Variants in PLXNA4 observed in about 807,000 individuals in gnomAD.
The protein encoded by PLXNA4 is plexin-A4.
Under a neutral mutation model 191.8 loss-of-function variants are expected in PLXNA4, and 44 were observed. That is an observed-to-expected ratio of 0.23 (90% CI 0.18 to 0.29). PLXNA4 has a LOEUF of 0.29. PLXNA4 is among the 10% of genes least tolerant of loss of function. PLXNA4 has a pLI of 1.00. For synonymous variants in PLXNA4, 1,082 were observed against 1,009.5 expected (o/e 1.07, Z -1.36); for missense variants, 1,800 against 2,488.8 (o/e 0.72, Z 5.89).
intron 1 of PLXNA4, among the ~76,000 whole-genome samples, chr7:132,536,780 A>G (rs115447457): frequency 0.013 from 1,936 of 152,318 alleles, 18 homozygotes; most frequent in Middle Eastern, 0.044. Context: ...TAAGCGAGGA[A>G]ATGCTGCCCT....
chr7:132,224,636 T>C (rs1254831865), intron 8 of PLXNA4, among the ~76,000 whole-genome samples: 1 of 152,160 alleles, frequency 6.6e-6, no homozygotes, highest in African/African-American at 2.4e-5. Flanking sequence ...GCTTCACACA[T>C]GATTTCACCT....
chr7:132,225,242 C>T (rs1798277446), intron 8 of PLXNA4, among the ~76,000 whole-genome samples: 2 of 152,200 alleles, frequency 1.3e-5, no homozygotes, highest in Admixed American at 1.3e-4. Flanking sequence ...CATGTGGTGC[C>T]TAAACACTGG....
intron 13 of PLXNA4, among the ~76,000 whole-genome samples, chr7:132,194,595 T>C (rs1486238944): frequency 6.6e-6 from 1 of 152,206 alleles, no homozygotes; most frequent in East Asian, 1.9e-4. Context: ...ACCTAAGGTT[T>C]TCTGGTCCCC....
At chr7:132,403,988 C>T (rs191971836) in intron 3 of PLXNA4, among the ~76,000 whole-genome samples, 42 of 152,258 alleles carry the variant, frequency 2.8e-4, no homozygotes, top group African/African-American at 8.9e-4. Context: ...AGCCGGATAA[C>T]GGGTCTGTAG....
chr7:132,459,549 A>G (rs1796424812), intron 3 of PLXNA4, among the ~76,000 whole-genome samples: 2 of 152,152 alleles, frequency 1.3e-5, no homozygotes, highest in East Asian at 3.9e-4. Context: ...GAAGGGGTCC[A>G]GGTCTTGGGT....
At chr7:132,162,666 C>T (rs919596699) in intron 24 of PLXNA4, among the ~76,000 whole-genome samples, 3 of 152,036 alleles carry the variant, frequency 2.0e-5, no homozygotes, top group Non-Finnish European at 2.9e-5. Context: ...CCATTTTAAT[C>T]GGAGCCTCTC....
intron 3 of PLXNA4, among the ~76,000 whole-genome samples, chr7:132,440,666 AC>A (rs1393750060): frequency 6.6e-6 from 1 of 152,250 alleles, no homozygotes; most frequent in Non-Finnish European, 1.5e-5. Flanking sequence ...CAAAGAACTG[AC>A]ATAAAATAAA....
intron 9 of PLXNA4, among the ~76,000 whole-genome samples, chr7:132,221,082 C>G (rs890691432): frequency 6.6e-6 from 1 of 152,030 alleles, no homozygotes. Context: ...CTCCTGGACT[C>G]AAGTGATCCT....
chr7:132,642,331 A>G (rs1430372672), intron 2 of PLXNA4, among the ~76,000 whole-genome samples: 1 of 152,154 alleles, frequency 6.6e-6, no homozygotes, highest in Non-Finnish European at 1.5e-5. Flanking sequence ...ACAGAAATAA[A>G]TGTATTAAAA....
rs1796692127 is a variant in PLXNA4, at chr7:132,181,251, C to G, written c.3492+130G>C. On this transcript the variant is annotated intron_variant, in intron 18 of 31. Transcript: ENST00000321063. The stretch of plus-strand genomic sequence containing the variant: ...ACTCAGAGAGAACATTTATCACACT[C>G]TGGGCTACACTGCAACCTCTGCAAG... The G allele has an allele frequency of 1.8e-5, 26 of 1,479,700 alleles. No homozygotes were observed. The South Asian group carries it at 3.1e-4, about 18-fold the overall frequency. 91.7% of individuals were successfully genotyped at this position (1,479,700 alleles called of 1,614,324 possible).
chr7:132,243,611 A>G (rs1798951757), intron 4 of PLXNA4, among the ~76,000 whole-genome samples: 1 of 152,214 alleles, frequency 6.6e-6, no homozygotes, highest in South Asian at 2.1e-4. Flanking sequence ...GAAAGAATGC[A>G]AGAGCCCTCA....
intron 13 of PLXNA4, among the ~76,000 whole-genome samples, chr7:132,195,601 A>G (rs1164553503): frequency 6.6e-6 from 1 of 152,218 alleles, no homozygotes; most frequent in East Asian, 1.9e-4. Flanking sequence ...GATATGAACA[A>G]TCCTTTTAAG....
Position 132,281,341 on chromosome 7 carries a change from T to C in PLXNA4, c.1503+16750A>G, listed in dbSNP as rs972677961. On this transcript the variant is annotated intron_variant, in intron 4 of 31. Transcript: ENST00000321063. The stretch of plus-strand genomic sequence containing the variant: ...TCATGCACCAATTATGTGAAGACTG[T>C]TGTTGAAATTCAGCTAGTAGATTTC... 2.6e-5 allele frequency among the ~76,000 whole-genome samples: 4 copies of C among 152,254 alleles called. No homozygotes were observed. In the East Asian group the frequency reaches 7.7e-4, roughly 29 times the overall value.
chr7:132,217,694 T>C (rs1020662390), intron 9 of PLXNA4, among the ~76,000 whole-genome samples: 4 of 152,124 alleles, frequency 2.6e-5, no homozygotes, highest in African/African-American at 9.7e-5. Context: ...AAGTTTATAA[T>C]GTCATTAGTG....
intron 28 of PLXNA4, chr7:132,145,593 A>G (rs1262045486): frequency 2.7e-6 from 1 of 367,062 alleles, no homozygotes; most frequent in Non-Finnish European, 5.1e-6. Flanking sequence ...ACTTTTCACA[A>G]ATGCTAATGA....
At chr7:132,493,725 G>A (rs1182439122) in intron 2 of PLXNA4, among the ~76,000 whole-genome samples, 2 of 131,240 alleles carry the variant, frequency 1.5e-5, no homozygotes, top group East Asian at 2.4e-4. Context: ...ATGGATGGGT[G>A]GATGGGTGGA....
In PLXNA4 at chr7:132,130,554, G is replaced by A. The variant is rs550735539; in HGVS notation, c.5610C>T (p.His1870=). Reference sequence around the variant, plus strand: ...GTTTCTGCTTCCCACACTGGTCATCGTGGTCCAGAGGTCCAAGGATCTGCG... The same window carrying A: ...GTTTCTGCTTCCCACACTGGTCATCATGGTCCAGAGGTCCAAGGATCTGCG... The part of the protein sequence containing the change: ...YSEEILGPLD[H]DDQCGKQKLA... Residue 1870 remains histidine (H), a synonymous_variant, in exon 32 of 32, where the codon CAC becomes CAT. Transcript: ENST00000321063. 5.1e-5 allele frequency: 83 copies of A among 1,614,112 alleles called. No homozygotes were observed. The highest frequency in any genetic ancestry group is 1.3e-4 in the Admixed American group (8 of 60,024).
chr7:132,451,813 C>G (rs1025888912), intron 3 of PLXNA4, among the ~76,000 whole-genome samples: 1 of 152,206 alleles, frequency 6.6e-6, no homozygotes, highest in African/African-American at 2.4e-5. Context: ...GAGTGATTGG[C>G]ACAGGGATGG....
chr7:132,265,020 A>G (rs140624781), intron 4 of PLXNA4, among the ~76,000 whole-genome samples: 4 of 152,332 alleles, frequency 2.6e-5, no homozygotes, highest in African/African-American at 7.2e-5. Flanking sequence ...ATGCTAATAG[A>G]GAAACTTGAT....
Sources: gnomAD v4.1 joint callset for allele counts (sites outside exome capture counted in the v4.1 genomes callset) on GRCh38, gnomAD v4.1.1 for gene constraint, MANE v1.5 for transcripts, NCBI Gene and HGNC (gene_info 2026-07-23, HGNC 2026-07-21) for gene names.